Variants in DCC observed in about 807,000 individuals in gnomAD.
The protein encoded by DCC is netrin receptor DCC.
Under a neutral mutation model 172.5 loss-of-function variants are expected in DCC, and 58 were observed. That is an observed-to-expected ratio of 0.34 (90% CI 0.27 to 0.42). The LOEUF (loss-of-function observed/expected upper bound fraction) is 0.42. Among genes scored for constraint, DCC ranks in the 10% least tolerant of loss-of-function variants. The pLI is 1.00. For synonymous variants in DCC, 709 were observed against 644.5 expected, an observed-to-expected ratio of 1.10 and a Z score of -1.52; for missense variants, 1,740 against 1,791.0, an observed-to-expected ratio of 0.97 and a Z score of 0.51.
chr18:53,223,756 A>T (rs1344542664), intron 12 of DCC, among the ~76,000 whole-genome samples: 1 of 152,176 alleles, frequency 6.6e-6, no homozygotes, highest in Non-Finnish European at 1.5e-5. Context: ...TTTGAATGTT[A>T]TTTATATTAT....
At chr18:52,646,705 G>A (rs2144914443) in intron 1 of DCC, among the ~76,000 whole-genome samples, 1 of 152,312 alleles carries the variant, frequency 6.6e-6, no homozygotes, top group Admixed American at 6.5e-5. Flanking sequence ...GACAGGGTCT[G>A]GAAGGATCCC....
rs980830864 is a variant in DCC at position 52,405,121 on chromosome 18, A to T, written c.91+64243A>T. Among the ~76,000 whole-genome samples the T allele has an allele frequency of 2.9e-4, 44 of 151,086 alleles. 1 individual carries two copies. The highest frequency in any genetic ancestry group is 9.9e-4 in the African/African-American group (41 of 41,218). Reference sequence around the variant, plus strand: ...TATTGTGAATAATGCCACAATAAACATATGTGTGCATGTGTCTTTATAGCA... The same window carrying T: ...TATTGTGAATAATGCCACAATAAACTTATGTGTGCATGTGTCTTTATAGCA... On this transcript the variant is annotated intron_variant, in intron 1 of 28. Transcript: ENST00000442544.
At chr18:52,879,412 C>CTGTTTTTTTTT (rs2039448314) in intron 2 of DCC, among the ~76,000 whole-genome samples, 1 of 62,356 alleles carries the variant, frequency 1.6e-5, no homozygotes, top group Non-Finnish European at 2.9e-5. Context: ...TGTTGTTTGG[C>CTGTTTTTTTTT]TTTTTTTTTT....
chr18:52,412,936 G>A (rs1301715776), intron 1 of DCC, among the ~76,000 whole-genome samples: 1 of 152,068 alleles, frequency 6.6e-6, no homozygotes, highest in Non-Finnish European at 1.5e-5. Context: ...GATTCATCCA[G>A]ATTTAACTGA....
chr18:52,362,310 C>A (rs1248953787), intron 1 of DCC, among the ~76,000 whole-genome samples: 1 of 152,194 alleles, frequency 6.6e-6, no homozygotes, highest in Non-Finnish European at 1.5e-5. Context: ...TTATGTCCCC[C>A]ACTTGGAGCT....
chr18:53,259,023 G>A (rs1397035159), intron 12 of DCC, among the ~76,000 whole-genome samples: 1 of 152,086 alleles, frequency 6.6e-6, no homozygotes, highest in African/African-American at 2.4e-5. Flanking sequence ...CAGAGACTAG[G>A]ATTGCAACCC....
chr18:53,299,444 G>A (rs971568044), intron 12 of DCC, among the ~76,000 whole-genome samples: 25 of 152,064 alleles, frequency 1.6e-4, no homozygotes, highest in African/African-American at 6.0e-4. Context: ...TACATCTTGA[G>A]CTTGTTCTTG....
At chr18:52,950,842 G>A (rs1228702334) in intron 5 of DCC, among the ~76,000 whole-genome samples, 1 of 147,484 alleles carries the variant, frequency 6.8e-6, no homozygotes, top group African/African-American at 2.5e-5. Context: ...AGAGAATGGC[G>A]TGAACCCGGG....
At chr18:53,382,220 CT>C (rs1018257119) in intron 15 of DCC, among the ~76,000 whole-genome samples, 21 of 152,066 alleles carry the variant, frequency 1.4e-4, no homozygotes, top group African/African-American at 5.1e-4. Context: ...GGAATTTGAA[CT>C]GCAAAAAGGC....
chr18:53,457,046 T>C (rs140100873), intron 23 of DCC, among the ~76,000 whole-genome samples: 79 of 152,298 alleles, frequency 5.2e-4, no homozygotes, highest in African/African-American at 1.9e-3. Context: ...ATGGCTAGAA[T>C]AAATACAAAA....
intron 7 of DCC, among the ~76,000 whole-genome samples, chr18:53,100,827 A>G (rs1488237332): frequency 3.9e-5 from 6 of 152,136 alleles, no homozygotes; most frequent in Non-Finnish European, 1.5e-5. Context: ...TTGCAAAAAA[A>G]ATGGGCAGAG....
At chr18:52,612,002 A>G (rs895392619) in intron 1 of DCC, among the ~76,000 whole-genome samples, 1 of 152,144 alleles carries the variant, frequency 6.6e-6, no homozygotes, top group Non-Finnish European at 1.5e-5. Flanking sequence ...TTAAATAAGT[A>G]TATGCTTTTC....
chr18:52,660,424 C>G (rs1307465568), intron 1 of DCC, among the ~76,000 whole-genome samples: 2 of 152,018 alleles, frequency 1.3e-5, no homozygotes, highest in African/African-American at 4.8e-5. Flanking sequence ...GCAGAAACAC[C>G]TTTTAATTGC....
chr18:52,550,872 C>A (rs2032751040), intron 1 of DCC, among the ~76,000 whole-genome samples: 1 of 151,674 alleles, frequency 6.6e-6, no homozygotes. Flanking sequence ...ATCTTCACAA[C>A]TTTTCTGTAA....
chr18:52,575,142 A>G (rs547912201), intron 1 of DCC, among the ~76,000 whole-genome samples: 7 of 152,290 alleles, frequency 4.6e-5, no homozygotes, highest in African/African-American at 1.7e-4. Context: ...TTAAGATGTG[A>G]GTAGCCCAAG....
chr18:53,243,913 T>C (rs1221250170), intron 12 of DCC, among the ~76,000 whole-genome samples: 1 of 152,148 alleles, frequency 6.6e-6, no homozygotes, highest in Non-Finnish European at 1.5e-5. Flanking sequence ...AAAAGCAAGC[T>C]TATGAACTGT....
At chr18:53,242,884 GT>G (rs1290817128) in intron 12 of DCC, among the ~76,000 whole-genome samples, 1 of 137,962 alleles carries the variant, frequency 7.2e-6, no homozygotes, top group Non-Finnish European at 1.5e-5. Flanking sequence ...GTGTGTGTGT[GT>G]GTGTGTGTGT....
At chr18:52,688,120 G>T (rs1445048360) in intron 1 of DCC, among the ~76,000 whole-genome samples, 1 of 126,584 alleles carries the variant, frequency 7.9e-6, no homozygotes, top group Non-Finnish European at 1.7e-5. Context: ...AATGTTCAGG[G>T]ATCTTCTTTT....
intron 13 of DCC, among the ~76,000 whole-genome samples, chr18:53,316,830 C>T (rs898120708): frequency 2.6e-5 from 4 of 152,206 alleles, no homozygotes; most frequent in Non-Finnish European, 4.4e-5. Flanking sequence ...TGCTTAACAG[C>T]TTAAGGAAAT....
Sources: gnomAD v4.1 joint callset for allele counts (sites outside exome capture counted in the v4.1 genomes callset) on GRCh38, gnomAD v4.1.1 for gene constraint, MANE v1.5 for transcripts, NCBI Gene and HGNC (gene_info 2026-07-23, HGNC 2026-07-21) for gene names.